ARIH1: variants seen among roughly 807,000 people sequenced by gnomAD.
ARIH1 encodes E3 ubiquitin-protein ligase ARIH1.
A neutral mutation model predicts 85.0 loss-of-function variants in ARIH1; 8 were observed. That is an observed-to-expected ratio of 0.09 (90% confidence interval 0.06 to 0.17). ARIH1 has a LOEUF of 0.17. Among genes scored for constraint, ARIH1 ranks in the 10% least tolerant of loss-of-function variants. The probability of loss-of-function intolerance (pLI) is 1.00; values close to 1 mark genes in which losing one functional copy is unlikely to be tolerated. For synonymous variants in ARIH1, 238 were observed against 253.6 expected, an observed-to-expected ratio of 0.94 and a Z score of 0.59; for missense variants, 311 against 718.1, an observed-to-expected ratio of 0.43 and a Z score of 6.48.
intron 9 of ARIH1, among the ~76,000 whole-genome samples, chr15:72,568,821 T>G (rs1392920490): frequency 2.0e-5 from 3 of 152,176 alleles, no homozygotes; most frequent in Non-Finnish European, 4.4e-5. Context: ...AATTAAAAAG[T>G]TGCTATATTG....
chr15:72,477,225 C>T (rs879503746), intron 1 of ARIH1, among the ~76,000 whole-genome samples: 2 of 152,000 alleles, frequency 1.3e-5, no homozygotes, highest in Non-Finnish European at 2.9e-5. Flanking sequence ...TTAAATTGCC[C>T]CTCGCTTTTT....
intron 3 of ARIH1, among the ~76,000 whole-genome samples, chr15:72,550,026 G>A (rs1217852214): frequency 6.6e-6 from 1 of 152,120 alleles, no homozygotes; most frequent in Non-Finnish European, 1.5e-5. Flanking sequence ...AGATATCTGC[G>A]ATAATAATAT....
At chr15:72,533,361 C>G (rs1303750481) in intron 2 of ARIH1, among the ~76,000 whole-genome samples, 1 of 152,192 alleles carries the variant, frequency 6.6e-6, no homozygotes, top group Non-Finnish European at 1.5e-5. Flanking sequence ...AACTCCTGAG[C>G]TCAAGGAATC....
In ARIH1 at chr15:72,544,625, A is replaced by G. The variant is rs535455036; in HGVS notation, c.444-195A>G. Among the ~76,000 whole-genome samples the G allele has an allele frequency of 2.0e-5, 3 of 151,462 alleles. No individual in the cohort carries two copies. The South Asian group carries it at 6.2e-4, about 31-fold the overall frequency. On this transcript the variant is annotated intron_variant, in intron 2 of 13. Transcript: ENST00000379887. ...TTTGCTGTTTGCAATATATATATATATGCACATGTATACACACACCTTTAT... is the reference window on the plus strand; with the variant it reads ...TTTGCTGTTTGCAATATATATATATGTGCACATGTATACACACACCTTTAT...
intron 1 of ARIH1, among the ~76,000 whole-genome samples, chr15:72,505,087 A>T (rs2063919219): frequency 6.6e-6 from 1 of 152,222 alleles, no homozygotes; most frequent in Non-Finnish European, 1.5e-5. Context: ...CCTGTAGCTT[A>T]TATCAGTGCT....
chr15:72,578,695 T>G (rs938530581), intron 11 of ARIH1, among the ~76,000 whole-genome samples: 4 of 152,208 alleles, frequency 2.6e-5, no homozygotes, highest in Non-Finnish European at 5.9e-5. Context: ...ACTTACAGTT[T>G]AATCCTGTGT....
At position 72,548,599 on chromosome 15, in the gene ARIH1, C is replaced by T. The variant is rs144371320; in HGVS notation, c.588+3635C>T. 8.5e-5 allele frequency among the ~76,000 whole-genome samples: 13 copies of T among 152,198 alleles called. No individual in the cohort carries two copies. In the East Asian group the frequency reaches 1.2e-3, roughly 14 times the overall value. On this transcript the variant is annotated intron_variant, in intron 3 of 13. Coordinates refer to ENST00000379887, the MANE Select transcript of ARIH1 (RefSeq NM_005744.5). Reference sequence around the variant, plus strand: ...GCATTATGGAAACTGCTAAGTGTTCCGAAAAGTATCATGACAAAACTAGGA... The same window carrying T: ...GCATTATGGAAACTGCTAAGTGTTCTGAAAAGTATCATGACAAAACTAGGA...
chr15:72,580,647 C>T (rs2064291848), intron 11 of ARIH1, 84 bp from the exon 12 acceptor site: 1 of 1,310,258 alleles, frequency 7.6e-7, no homozygotes, highest in Non-Finnish European at 1.0e-6. Flanking sequence ...AGTGAGACTT[C>T]ATTATGGTTT....
intron 11 of ARIH1, among the ~76,000 whole-genome samples, chr15:72,580,287 G>T (rs1202497333): frequency 6.6e-6 from 1 of 152,118 alleles, no homozygotes; most frequent in Non-Finnish European, 1.5e-5. Context: ...GAGTACTCGT[G>T]TGTGTGTGTA....
At chr15:72,487,278 C>G (rs1397461002) in intron 1 of ARIH1, among the ~76,000 whole-genome samples, 1 of 152,112 alleles carries the variant, frequency 6.6e-6, no homozygotes, top group Non-Finnish European at 1.5e-5. Context: ...CTAGACACTT[C>G]TCCCCAGGCT....
chr15:72,516,903 A>T (rs755478302), intron 1 of ARIH1, among the ~76,000 whole-genome samples: 16 of 152,316 alleles, frequency 1.1e-4, no homozygotes, highest in Admixed American at 3.9e-4. Flanking sequence ...TATGAGATAA[A>T]AATAAGCAGA....
At chr15:72,561,683 C>T in intron 6 of ARIH1, 134 bp downstream of exon 6, 1 of 603,564 alleles carries the variant, frequency 1.7e-6, no homozygotes, top group Non-Finnish European at 2.7e-6. Flanking sequence ...TACCTTTATT[C>T]TCAAAAGAGT....
In ARIH1 at chr15:72,601,538, G is replaced by T. The variant is rs998590745; in HGVS notation, c.*18246G>T. On this transcript the variant is annotated 3_prime_UTR_variant, in exon 14 of 14. Transcript: ENST00000379887. ...TTGCCTTAGAATTCTTTCCTGGCCT[G>T]CACATGTCTTCATCCCCTTTCCCTA... is the stretch of plus-strand genomic sequence containing the variant. 1.3e-5 allele frequency: 2 copies of T among 152,068 alleles called. No homozygotes were observed. Among genetic ancestry groups the T allele is most frequent in the Non-Finnish European group, 2.9e-5 (2 of 68,040 alleles). 9.4% of individuals were successfully genotyped at this position (152,068 alleles called of 1,614,324 possible).
At chr15:72,566,672 A>G in intron 8 of ARIH1, 67 bp downstream of exon 8, 1 of 1,357,804 alleles carries the variant, frequency 7.4e-7, no homozygotes, top group South Asian at 1.2e-5. Flanking sequence ...ACTAAAAATC[A>G]TAGCTGATGA....
chr15:72,484,171 C>CAAAAAAAAAAAAAAAAAAAAAAA (rs35300595), intron 1 of ARIH1, among the ~76,000 whole-genome samples: 1 of 117,674 alleles, frequency 8.5e-6, no homozygotes. Context: ...GAAACTCCAT[C>CAAAAAAAAAAAAAAAAAAAAAAA]AAAAAAAAAA....
chr15:72,515,362 A>C (rs2063970480), intron 1 of ARIH1, among the ~76,000 whole-genome samples: 1 of 152,280 alleles, frequency 6.6e-6, no homozygotes, highest in South Asian at 2.1e-4. Flanking sequence ...AAAATAAAAA[A>C]ATATAAAATA....
intron 11 of ARIH1, among the ~76,000 whole-genome samples, chr15:72,576,931 A>G (rs1214451005): frequency 6.6e-6 from 1 of 151,994 alleles, no homozygotes; most frequent in Non-Finnish European, 1.5e-5. Flanking sequence ...CCGATAACAT[A>G]GTCAATTAAC....
chr15:72,504,076 T>TGA (rs1731671801), intron 1 of ARIH1, among the ~76,000 whole-genome samples: 1 of 152,180 alleles, frequency 6.6e-6, no homozygotes, highest in Admixed American at 6.5e-5. Flanking sequence ...ATTTTTTAGA[T>TGA]GGAGTTTCGC....
chr15:72,506,185 A>G (rs1008126019), intron 1 of ARIH1, among the ~76,000 whole-genome samples: 1 of 151,846 alleles, frequency 6.6e-6, no homozygotes, highest in Non-Finnish European at 1.5e-5. Context: ...TTTCTCTACT[A>G]AAAAATACAA....
Sources: gnomAD v4.1 joint callset for allele counts (sites outside exome capture counted in the v4.1 genomes callset) on GRCh38, gnomAD v4.1.1 for gene constraint, MANE v1.5 for transcripts, NCBI Gene and HGNC (gene_info 2026-07-23, HGNC 2026-07-21) for gene names.